The following ARHGEF37 variants were observed in gnomAD, a reference collection of about 807,000 sequenced individuals.
ARHGEF37 encodes Rho guanine nucleotide exchange factor (GEF) 37.
Under a neutral mutation model 71.1 loss-of-function variants are expected in ARHGEF37, and 55 were observed. The ratio of observed to expected loss-of-function variants is 0.77; its 90% CI spans 0.62 to 0.97. The LOEUF is 0.97. Ranked by LOEUF, ARHGEF37 falls within the 50% of genes least tolerant of loss-of-function variation. The pLI, the probability that ARHGEF37 is intolerant of heterozygous loss-of-function variation, is 0.00. For missense variants in ARHGEF37, 765 were observed against 836.8 expected (o/e 0.91, Z 1.06); for synonymous variants, 327 against 350.6 (o/e 0.93, Z 0.75).
rs534518173 is a variant in ARHGEF37 at position 149,633,098 on chromosome 5, C to T, written c.*907C>T. 1 of 152,508 alleles carries T rather than the reference C, an allele frequency of 6.6e-6. No individual in the cohort carries two copies. Among genetic ancestry groups the T allele is most frequent in the Non-Finnish European group, 1.5e-5 (1 of 68,090 alleles). 9.4% of individuals were successfully genotyped at this position (152,508 alleles called of 1,614,324 possible). A position where few individuals can be genotyped will look rare whatever the true frequency, so the allele number is the denominator to read the frequency against. ...GAACCCCCAGTGGTTTCAGGTGGCC[C>T]CTGAGGTCCTGGAGGCAGCCGTGGA... is the stretch of plus-strand genomic sequence containing the variant. On this transcript the variant is annotated 3_prime_UTR_variant, in exon 13 of 13. Transcript: ENST00000333677.
At chr5:149,570,845 C>G (rs575282680) in intron 1 of ARHGEF37, among the ~76,000 whole-genome samples, 29 of 150,944 alleles carry the variant, frequency 1.9e-4, no homozygotes, top group Non-Finnish European at 3.7e-4. Flanking sequence ...CAGTGCACTC[C>G]AGCCTGGGTG....
chr5:149,559,248 G>A (rs954236675), intron 1 of ARHGEF37, among the ~76,000 whole-genome samples: 4 of 152,150 alleles, frequency 2.6e-5, no homozygotes, highest in Admixed American at 2.6e-4. Flanking sequence ...TTGAACCCAG[G>A]AGGCAGAGGT....
At chr5:149,588,835 T>G (rs1763314775) in intron 1 of ARHGEF37, among the ~76,000 whole-genome samples, 1 of 152,228 alleles carries the variant, frequency 6.6e-6, no homozygotes, top group Non-Finnish European at 1.5e-5. Flanking sequence ...TCCTCAACTT[T>G]CCCTGCCCAG....
intron 1 of ARHGEF37, among the ~76,000 whole-genome samples, chr5:149,573,748 G>T (rs535642941): frequency 6.6e-6 from 1 of 152,128 alleles, no homozygotes; most frequent in East Asian, 1.9e-4. Context: ...GATTATATAT[G>T]CACCATATAT....
At chr5:149,604,864 G>A (rs1358228589) in intron 3 of ARHGEF37, among the ~76,000 whole-genome samples, 2 of 150,648 alleles carry the variant, frequency 1.3e-5, no homozygotes, top group African/African-American at 4.9e-5. Context: ...TGTATTTTTA[G>A]TAGAGACTGG....
intron 1 of ARHGEF37, among the ~76,000 whole-genome samples, chr5:149,563,740 C>T (rs948309966): frequency 2.6e-5 from 4 of 152,104 alleles, no homozygotes; most frequent in East Asian, 1.9e-4. Context: ...AACTATGACA[C>T]GACCACTTCT....
intron 1 of ARHGEF37, among the ~76,000 whole-genome samples, chr5:149,561,331 TG>T (rs770272810): frequency 1.5e-5 from 2 of 136,996 alleles, no homozygotes; most frequent in South Asian, 2.3e-4. Flanking sequence ...TAGCTTTCCC[TG>T]GGGGTGGGGG....
At chr5:149,595,266 C>G (rs1254505789) in intron 1 of ARHGEF37, among the ~76,000 whole-genome samples, 1 of 152,166 alleles carries the variant, frequency 6.6e-6, no homozygotes, top group Non-Finnish European at 1.5e-5. Context: ...ACTTCTACCT[C>G]CTGGGCTCAA....
Position 149,628,793 on chromosome 5 carries a change from TC to T in ARHGEF37, c.1661-15del. 1 of 1,607,554 alleles carries T rather than the reference TC, an allele frequency of 6.2e-7. No homozygotes were observed. Among genetic ancestry groups the T allele is most frequent in the Non-Finnish European group, 8.5e-7 (1 of 1,176,616 alleles). ...AAGGTGGCCCGCAGCCTGCTAACCTTCTGCATGCTCCCTAGGACATCGTGGG... is the reference window on the plus strand; with the variant it reads ...AAGGTGGCCCGCAGCCTGCTAACCTTTGCATGCTCCCTAGGACATCGTGGG... On this transcript the variant is annotated splice_polypyrimidine_tract_variant and intron_variant, in intron 11 of 12. Transcript: ENST00000333677.
chr5:149,575,671 A>ATTTTT (rs751297275), intron 1 of ARHGEF37, among the ~76,000 whole-genome samples: 7 of 107,284 alleles, frequency 6.5e-5, no homozygotes, highest in African/African-American at 1.0e-4. Flanking sequence ...CCAAATGACT[A>ATTTTT]TTTTTTTTTT....
chr5:149,580,917 C>G (rs2113260384), upstream of ARHGEF37, among the ~76,000 whole-genome samples: 1 of 152,268 alleles, frequency 6.6e-6, no homozygotes, highest in Admixed American at 6.5e-5. Flanking sequence ...CACAGGAGCC[C>G]AATAAGGCCA....
intron 3 of ARHGEF37, among the ~76,000 whole-genome samples, chr5:149,607,052 C>T (rs1241847518): frequency 6.6e-6 from 1 of 152,112 alleles, no homozygotes; most frequent in Non-Finnish European, 1.5e-5. Flanking sequence ...AGGCACCTGC[C>T]ACCACTCCTG....
chr5:149,623,758 G>A (rs1048951339), intron 9 of ARHGEF37, among the ~76,000 whole-genome samples: 5 of 152,184 alleles, frequency 3.3e-5, no homozygotes, highest in African/African-American at 1.2e-4. Context: ...GAATCCTGGT[G>A]GGAGGAAGGC....
At chr5:149,596,323 G>A (rs1763543955) in intron 1 of ARHGEF37, among the ~76,000 whole-genome samples, 1 of 152,064 alleles carries the variant, frequency 6.6e-6, no homozygotes, top group African/African-American at 2.4e-5. Flanking sequence ...TTATTATTTT[G>A]AGATGGAGTC....
chr5:149,598,759 GAT>G (rs3073460), intron 2 of ARHGEF37, among the ~76,000 whole-genome samples: 31,284 of 120,670 alleles, frequency 0.26, 3,716 homozygotes, highest in East Asian at 0.46. Flanking sequence ...TCTATATATA[GAT>G]ATAGATATAG....
chr5:149,630,061 G>T (rs1752835317), intron 12 of ARHGEF37, among the ~76,000 whole-genome samples: 1 of 152,172 alleles, frequency 6.6e-6, no homozygotes, highest in South Asian at 2.1e-4. Flanking sequence ...GCTAACTGGT[G>T]TGAAGTTTCT....
upstream of ARHGEF37, among the ~76,000 whole-genome samples, chr5:149,577,202 C>G (rs983565156): frequency 6.6e-6 from 1 of 152,140 alleles, no homozygotes; most frequent in Non-Finnish European, 1.5e-5. Context: ...CAAATAATAT[C>G]TATCATAGGA....
chr5:149,618,687 G>A (rs28406004), intron 6 of ARHGEF37, among the ~76,000 whole-genome samples: 38,159 of 152,038 alleles, frequency 0.25, 5,219 homozygotes, highest in Admixed American at 0.38. Flanking sequence ...GAAACTCCGA[G>A]AGGGTAAAAC....
At chr5:149,621,459 T>C (rs1752537572) in intron 8 of ARHGEF37, among the ~76,000 whole-genome samples, 1 of 152,058 alleles carries the variant, frequency 6.6e-6, no homozygotes, top group Non-Finnish European at 1.5e-5. Flanking sequence ...CAAAAAACTT[T>C]TTCAAGGTCT....
Sources: allele counts gnomAD v4.1 joint callset (sites outside exome capture counted in the v4.1 genomes callset), GRCh38; gene constraint gnomAD v4.1.1; transcripts MANE v1.5; gene names NCBI Gene and HGNC (gene_info 2026-07-23, HGNC 2026-07-21).